Variants in ADCY8 observed in about 807,000 individuals in gnomAD.
The protein encoded by ADCY8 is adenylate cyclase 8.
A neutral mutation model predicts 119.7 loss-of-function variants in ADCY8; 51 were observed. That is an observed-to-expected ratio of 0.43 (90% CI 0.34 to 0.54). The LOEUF (loss-of-function observed/expected upper bound fraction) is 0.54, where lower values mean the gene tolerates loss of function less well. Ranked by LOEUF, ADCY8 falls within the 20% of genes least tolerant of loss-of-function variation. ADCY8 has a pLI of 0.03. For synonymous variants in ADCY8, 665 were observed against 651.0 expected (o/e 1.02, Z -0.33); for missense variants, 1,383 against 1,598.8 (o/e 0.87, Z 2.30).
At chr8:130,899,448 A>G (rs1819521180) in intron 7 of ADCY8, among the ~76,000 whole-genome samples, 1 of 152,144 alleles carries the variant, frequency 6.6e-6, no homozygotes, top group South Asian at 2.1e-4. Context: ...TCTACTAAAA[A>G]TACAAAAATT....
intron 14 of ADCY8, among the ~76,000 whole-genome samples, chr8:130,807,504 T>C (rs1467847394): frequency 1.3e-5 from 2 of 152,170 alleles, no homozygotes; most frequent in African/African-American, 4.8e-5. Context: ...ATTAAGGCCC[T>C]TGTTAAAGGG....
intron 5 of ADCY8, among the ~76,000 whole-genome samples, chr8:130,921,015 C>T (rs1820284657): frequency 6.6e-6 from 1 of 152,226 alleles, no homozygotes; most frequent in African/African-American, 2.4e-5. Flanking sequence ...ATAAGTAATA[C>T]ACACCCTGTT....
At chr8:130,844,673 C>T (rs909236044) in intron 11 of ADCY8, among the ~76,000 whole-genome samples, 2 of 152,138 alleles carry the variant, frequency 1.3e-5, no homozygotes, top group South Asian at 2.1e-4. Flanking sequence ...TGCGCACATA[C>T]ACATGCACAC....
intron 7 of ADCY8, among the ~76,000 whole-genome samples, chr8:130,901,609 A>G (rs376619310): frequency 1.3e-5 from 2 of 152,188 alleles, no homozygotes; most frequent in African/African-American, 2.4e-5. Context: ...ATGTCTCTGA[A>G]TTGCACATAT....
chr8:130,908,993 C>G (rs575352119), intron 6 of ADCY8, among the ~76,000 whole-genome samples: 3,306 of 126,174 alleles, frequency 0.026, 76 homozygotes, highest in South Asian at 0.085. Context: ...TGCTCTCTCT[C>G]TCTCTCTCTC....
At chr8:130,966,739 C>A (rs1001311245) in intron 2 of ADCY8, among the ~76,000 whole-genome samples, 1 of 152,164 alleles carries the variant, frequency 6.6e-6, no homozygotes, top group Non-Finnish European at 1.5e-5. Flanking sequence ...ACCTGCTGAA[C>A]CCCTCTGTAC....
chr8:130,974,631 G>T (rs1320196107), intron 2 of ADCY8, among the ~76,000 whole-genome samples: 1 of 152,144 alleles, frequency 6.6e-6, no homozygotes, highest in Non-Finnish European at 1.5e-5. Flanking sequence ...ACTTCTTACT[G>T]GGAGTTGCAG....
chr8:130,829,628 A>G (rs1816770091), intron 12 of ADCY8, among the ~76,000 whole-genome samples: 1 of 152,206 alleles, frequency 6.6e-6, no homozygotes, highest in Non-Finnish European at 1.5e-5. Flanking sequence ...GAAGGTAAAT[A>G]CTTGTCCTAA....
intron 15 of ADCY8, among the ~76,000 whole-genome samples, chr8:130,797,031 C>T (rs1815602448): frequency 6.6e-6 from 1 of 152,178 alleles, no homozygotes; most frequent in African/African-American, 2.4e-5. Flanking sequence ...CAATTTGGTT[C>T]ACTGAGATGC....
At position 130,849,689 on chromosome 8, in the gene ADCY8, G is replaced by T; in HGVS notation, c.2325C>A (p.Cys775Ter). Residue 775 changes from cysteine to a stop codon, truncating the protein, a stop_gained, in exon 10 of 18, where the codon TGC (cysteine) becomes TGA (stop). Coordinates refer to ENST00000286355, the MANE Select transcript of ADCY8 (RefSeq NM_001115.3). LOFTEE classifies it high-confidence loss of function. ...CCAAATAGGTCTCATTAATCCAACA[G>T]CAAGTTTTCCGGAGGATGAGGGGCA... ...KCLPLILRKT[C>*]CWINETYLAR... is the part of the protein sequence containing the mutation. The T allele has an allele frequency of 6.2e-7, 1 of 1,614,038 alleles. No homozygotes were observed. Among genetic ancestry groups the T allele is most frequent in the Non-Finnish European group, 8.5e-7 (1 of 1,179,928 alleles).
intron 1 of ADCY8, among the ~76,000 whole-genome samples, chr8:131,015,505 G>A (rs866448591): frequency 2.9e-4 from 44 of 152,158 alleles, no homozygotes; most frequent in African/African-American, 9.9e-4. Context: ...TGCAAATAAA[G>A]GGTGGTAGAG....
At chr8:130,916,854 C>T (rs1421158884) in intron 5 of ADCY8, among the ~76,000 whole-genome samples, 1 of 152,132 alleles carries the variant, frequency 6.6e-6, no homozygotes, top group Non-Finnish European at 1.5e-5. Context: ...AATCTCTGTT[C>T]GGGGCTCTCA....
At chr8:130,851,171 G>A (rs1177299410) in intron 9 of ADCY8, among the ~76,000 whole-genome samples, 3 of 152,050 alleles carry the variant, frequency 2.0e-5, no homozygotes, top group Non-Finnish European at 4.4e-5. Context: ...TTCTTCCCAG[G>A]TATACAGTGG....
chr8:130,989,439 A>C (rs1194749615), intron 2 of ADCY8, among the ~76,000 whole-genome samples: 2 of 152,188 alleles, frequency 1.3e-5, no homozygotes, highest in African/African-American at 4.8e-5. Context: ...TTTGCAAACT[A>C]TTATTGCCTA....
intron 5 of ADCY8, among the ~76,000 whole-genome samples, chr8:130,934,738 A>G (rs1193233543): frequency 2.0e-5 from 3 of 152,214 alleles, no homozygotes; most frequent in South Asian, 4.1e-4. Flanking sequence ...TCCTCTCTCC[A>G]TAGTTCCTAA....
chr8:130,916,968 C>T (rs1037770804), intron 5 of ADCY8, among the ~76,000 whole-genome samples: 34 of 152,266 alleles, frequency 2.2e-4, no homozygotes, highest in African/African-American at 7.2e-4. Flanking sequence ...TCTCCCCGAC[C>T]GAGCTGGTCT....
chr8:130,785,225 G>A (rs1381573384), intron 16 of ADCY8, among the ~76,000 whole-genome samples, 158 bp downstream of exon 16: 2 of 152,084 alleles, frequency 1.3e-5, no homozygotes, highest in Non-Finnish European at 2.9e-5. Context: ...CCTACCTTGG[G>A]GGCAAATCCA....
intron 1 of ADCY8, among the ~76,000 whole-genome samples, chr8:131,036,028 C>T (rs1824142377): frequency 1.3e-5 from 2 of 152,106 alleles, no homozygotes; most frequent in African/African-American, 2.4e-5. Context: ...AGAAGTACTC[C>T]TCAGTCTTTA....
At chr8:130,992,382 C>CATACATATATATAT in intron 1 of ADCY8, among the ~76,000 whole-genome samples, 1 of 78,090 alleles carries the variant, frequency 1.3e-5, no homozygotes, top group African/African-American at 5.3e-5. Context: ...CTGTATCTGG[C>CATACATATATATAT]ATATATATAT....
Sources: gnomAD v4.1 joint callset for allele counts (sites outside exome capture counted in the v4.1 genomes callset) on GRCh38, gnomAD v4.1.1 for gene constraint, MANE v1.5 for transcripts, NCBI Gene and HGNC (gene_info 2026-07-23, HGNC 2026-07-21) for gene names.